SLC9A3: variants seen among roughly 807,000 people sequenced by gnomAD.
SLC9A3 encodes solute carrier family 9 member A3, also known as sodium/hydrogen exchanger 3.
In SLC9A3, 37 loss-of-function variants were observed where a neutral mutation model predicts 86.8. The ratio of observed to expected loss-of-function variants is 0.43; its 90% CI spans 0.33 to 0.56. SLC9A3 has a LOEUF of 0.56. Ranked by LOEUF, SLC9A3 falls within the 20% of genes least tolerant of loss-of-function variation. SLC9A3 has a pLI of 0.06. For synonymous variants in SLC9A3, 581 were observed against 528.3 expected (o/e 1.10, Z -1.37); for missense variants, 1,011 against 1,171.9 (o/e 0.86, Z 2.00).
At chr5:500,390 G>T (rs1238972649) in intron 1 of SLC9A3, among the ~76,000 whole-genome samples, 2 of 152,252 alleles carry the variant, frequency 1.3e-5, no homozygotes, top group Non-Finnish European at 2.9e-5. Flanking sequence ...AGAATGGAAG[G>T]GGGGGTGGCA....
intron 1 of SLC9A3, among the ~76,000 whole-genome samples, chr5:510,758 C>T (rs906038123): frequency 1.1e-4 from 16 of 151,852 alleles, no homozygotes; most frequent in African/African-American, 3.1e-4. Flanking sequence ...GGGGGGAAGG[C>T]GAGGGAAATG....
chr5:470,682 C>T lies in SLC9A3; in HGVS notation c.*2697G>A, dbSNP rs1381003663. 6.6e-6 allele frequency: 1 copy of T among 152,250 alleles called. No individual in the cohort carries two copies. The highest frequency in any genetic ancestry group is 2.4e-5 in the African/African-American group (1 of 41,438). The allele number at this position is 152,250 out of a possible 1,614,324, so 9.4% of individuals were successfully genotyped here. A position where few individuals can be genotyped will look rare whatever the true frequency, so the allele number is the denominator to read the frequency against. The stretch of plus-strand genomic sequence containing the variant: ...ATATTATAGCTGCAAAATTAACATA[C>T]ACAATTTTCACTCATAATTTAAAAT... On this transcript the variant is annotated 3_prime_UTR_variant, in exon 17 of 17. Coordinates refer to ENST00000264938, the MANE Select transcript of SLC9A3 (RefSeq NM_004174.4).
intron 1 of SLC9A3, among the ~76,000 whole-genome samples, chr5:500,929 G>A (rs921779559): frequency 1.1e-5 from 1 of 91,120 alleles, no homozygotes; most frequent in Admixed American, 1.2e-4. Context: ...GACACGGGCC[G>A]GTGTGGACAG....
chr5:518,119 C>A (rs1469311825), intron 1 of SLC9A3, among the ~76,000 whole-genome samples: 6 of 152,372 alleles, frequency 3.9e-5, no homozygotes, highest in East Asian at 1.9e-4. Context: ...AGACAGACAA[C>A]CTCTGCCATT....
intron 4 of SLC9A3, 51 bp downstream of exon 4, chr5:485,102 G>C: frequency 7.5e-7 from 1 of 1,330,738 alleles, no homozygotes; most frequent in Non-Finnish European, 1.1e-6. Flanking sequence ...GAAGACAGTT[G>C]GCCCCAGAGG....
Position 476,105 on chromosome 5 carries a change from C to T in SLC9A3, c.2068-13G>A, listed in dbSNP as rs762753848. 8.1e-6 allele frequency: 13 copies of T among 1,613,132 alleles called. No individual in the cohort carries two copies. The highest frequency in any genetic ancestry group is 2.2e-5 in the East Asian group (1 of 44,878). On this transcript the variant is annotated splice_polypyrimidine_tract_variant and intron_variant, in intron 13 of 16. Transcript: ENST00000264938. ...TGCTGCTGTTTCTCTGCGGAGCAAACGTGAAGCTGCTCACACCCCGACACA... is the reference window on the plus strand; with the variant it reads ...TGCTGCTGTTTCTCTGCGGAGCAAATGTGAAGCTGCTCACACCCCGACACA...
At chr5:518,356 C>T (rs114800542) in intron 1 of SLC9A3, among the ~76,000 whole-genome samples, 66 of 151,614 alleles carry the variant, frequency 4.4e-4, no homozygotes, top group African/African-American at 1.6e-3. Context: ...GATCTAGCAC[C>T]CTGAGATATG....
At chr5:482,238 C>T (rs1027457284) in intron 7 of SLC9A3, 81 bp from the exon 8 acceptor site, 36 of 1,120,704 alleles carry the variant, frequency 3.2e-5, no homozygotes, top group East Asian at 7.5e-5. Context: ...CACACAGAGC[C>T]ACCTGCCCCG....
In SLC9A3 at chr5:476,326, T is replaced by C. The variant is rs1413844151; in HGVS notation, c.1943A>G (p.Gln648Arg). The change falls in exon 13 of 17, where the codon CAG becomes CGG. Residue 648 changes from glutamine to arginine, a missense_variant. By Grantham distance (43) the Gln-to-Arg change is conservative. Transcript: ENST00000264938. Reference protein sequence around the residue: ...HELTPTEDEKQDREIFHRTMR... With the variant: ...HELTPTEDEKRDREIFHRTMR... ...GGTCCTGTGGAAGATTTCCCGGTCCTGTTTCTCGTCCTCCGTGGGCGTGAG... is the reference window on the plus strand; with the variant it reads ...GGTCCTGTGGAAGATTTCCCGGTCCCGTTTCTCGTCCTCCGTGGGCGTGAG... 1.2e-6 allele frequency: 2 copies of C among 1,613,960 alleles called. No individual in the cohort carries two copies. The highest frequency in any genetic ancestry group is 1.7e-6 in the Non-Finnish European group (2 of 1,180,004).
chr5:499,576 C>T (rs1032895827), intron 1 of SLC9A3, among the ~76,000 whole-genome samples: 1 of 152,362 alleles, frequency 6.6e-6, no homozygotes. Flanking sequence ...TGTGTGGAAA[C>T]GTCCCCACAT....
intron 1 of SLC9A3, among the ~76,000 whole-genome samples, chr5:518,595 G>A (rs1221204970): frequency 2.6e-5 from 4 of 152,174 alleles, no homozygotes; most frequent in African/African-American, 7.2e-5. Context: ...CAGCCCAGAC[G>A]CTGGGCAGAT....
At chr5:500,596 A>T (rs201857221) in intron 1 of SLC9A3, among the ~76,000 whole-genome samples, 2 of 109,630 alleles carry the variant, frequency 1.8e-5, no homozygotes, top group Non-Finnish European at 3.6e-5. Flanking sequence ...ACATGGGGTC[A>T]GTGTGGAAGG....
intron 1 of SLC9A3, among the ~76,000 whole-genome samples, chr5:492,972 T>A (rs1739858983): frequency 6.6e-6 from 1 of 152,134 alleles, no homozygotes; most frequent in Non-Finnish European, 1.5e-5. Context: ...GGACAGCAGG[T>A]CCTGGGGACC....
rs1024099035 is a variant in SLC9A3, at chr5:470,685, A to T, written c.*2694T>A. 1 of 152,296 alleles carries T rather than the reference A, an allele frequency of 6.6e-6. No homozygotes were observed. The highest frequency in any genetic ancestry group is 1.5e-5 in the Non-Finnish European group (1 of 68,040). 9.4% of individuals were successfully genotyped at this position (152,296 alleles called of 1,614,324 possible). ...TTATAGCTGCAAAATTAACATACAC[A>T]ATTTTCACTCATAATTTAAAATATT... On this transcript the variant is annotated 3_prime_UTR_variant, in exon 17 of 17. Coordinates refer to ENST00000264938, the MANE Select transcript of SLC9A3 (RefSeq NM_004174.4).
intron 1 of SLC9A3, among the ~76,000 whole-genome samples, chr5:504,385 G>A (rs1326480195): frequency 2.0e-5 from 3 of 152,234 alleles, no homozygotes; most frequent in African/African-American, 7.2e-5. Flanking sequence ...CTGCAGCCAG[G>A]GCCCAGGGCG....
chr5:492,471 T>A (rs973968545), intron 1 of SLC9A3, among the ~76,000 whole-genome samples: 1 of 135,968 alleles, frequency 7.4e-6, no homozygotes, highest in African/African-American at 2.8e-5. Flanking sequence ...GGGAGGGAGG[T>A]CCAGGTGATC....
In SLC9A3 at chr5:501,299, C is replaced by T. The variant is rs907768035; in HGVS notation, c.212-9228G>A. ...TGGTCAGGCCCAGGGCCTCCGCCAC[C>T]TCCAAGGACCTTTCAAGGTGGCAGA... On this transcript the variant is annotated intron_variant, in intron 1 of 16. Coordinates refer to ENST00000264938, the MANE Select transcript of SLC9A3 (RefSeq NM_004174.4). Among the ~76,000 whole-genome samples the T allele has an allele frequency of 2.6e-5, 4 of 152,302 alleles. No individual in the cohort carries two copies. The East Asian group carries it at 5.8e-4, about 22-fold the overall frequency.
At position 482,745 on chromosome 5, in the gene SLC9A3, C is replaced by T; in HGVS notation, c.1159G>A (p.Val387Ile). Residue 387 changes from valine to isoleucine, a missense_variant, in exon 7 of 17, where the codon GTC (valine) becomes ATC (isoleucine). Transcript: ENST00000264938. The part of the protein sequence containing the change: ...FISVYRAIGV[V>I]LQTWLLNRYR... The stretch of plus-strand genomic sequence containing the variant: ...CGGTTCAGAAGCCAGGTCTGCAGGA[C>T]CACACCTGCGGATGATGGGGCGGGC... 1 of 1,600,388 alleles carries T rather than the reference C, an allele frequency of 6.2e-7. No homozygotes were observed. The highest frequency in any genetic ancestry group is 1.1e-5 in the South Asian group (1 of 89,486).
At chr5:493,733 T>A (rs574030978) in intron 1 of SLC9A3, among the ~76,000 whole-genome samples, 4 of 151,766 alleles carry the variant, frequency 2.6e-5, no homozygotes, top group Admixed American at 1.3e-4. Context: ...GGGATCGGGG[T>A]TCAGAGGCTC....
Sources: allele counts gnomAD v4.1 joint callset (sites outside exome capture counted in the v4.1 genomes callset), GRCh38; gene constraint gnomAD v4.1.1; transcripts MANE v1.5; gene names NCBI Gene and HGNC (gene_info 2026-07-23, HGNC 2026-07-21).